CAPZB: variants seen among roughly 807,000 people sequenced by gnomAD.
CAPZB encodes the protein F-actin-capping protein subunit beta.
CAPZB carries 2 observed loss-of-function variants against 38.1 expected under a neutral mutation model. The ratio of observed to expected loss-of-function variants is 0.05; its 90% CI spans 0.02 to 0.17. The LOEUF is 0.17. Ranked by LOEUF, CAPZB falls within the 10% of genes least tolerant of loss-of-function variation. CAPZB has a pLI of 1.00. For synonymous variants in CAPZB, 107 were observed against 127.4 expected, an observed-to-expected ratio of 0.84 and a Z score of 1.08; for missense variants, 161 against 334.2, an observed-to-expected ratio of 0.48 and a Z score of 4.04.
At chr1:19,455,854 T>C (rs941188003) in intron 1 of CAPZB, among the ~76,000 whole-genome samples, 1 of 152,194 alleles carries the variant, frequency 6.6e-6, no homozygotes, top group South Asian at 2.1e-4. Flanking sequence ...AAGCAAGTTA[T>C]ATACACAGGA....
intron 4 of CAPZB, among the ~76,000 whole-genome samples, chr1:19,368,883 A>T (rs528369797): frequency 6.6e-5 from 10 of 152,246 alleles, no homozygotes; most frequent in African/African-American, 2.4e-4. Flanking sequence ...GAAGCCTCGG[A>T]AACATCTCAG....
rs116513038 is a variant in CAPZB, at chr1:19,457,429, A to T, written c.3+28007T>A. Among the ~76,000 whole-genome samples the T allele has an allele frequency of 2.7e-3, 405 of 152,276 alleles. 3 individuals carry two copies. The highest frequency in any genetic ancestry group is 9.4e-3 in the African/African-American group (389 of 41,550). On this transcript the variant is annotated intron_variant, in intron 1 of 8. Coordinates refer to ENST00000264202, the MANE Select transcript of CAPZB (RefSeq NM_004930.5). ...AGGCTGGCTCAGAGGGCACTGTGTG[A>T]TCCACCGCATGCTTGAGGAGCTCTT...
At chr1:19,405,193 A>G (rs797005736) in intron 2 of CAPZB, among the ~76,000 whole-genome samples, 10 of 152,276 alleles carry the variant, frequency 6.6e-5, no homozygotes, top group African/African-American at 2.2e-4. Context: ...ATTTGGGGAT[A>G]GCAGGGTTTT....
chr1:19,358,870 G>A (rs933061270), intron 4 of CAPZB, among the ~76,000 whole-genome samples: 45 of 152,196 alleles, frequency 3.0e-4, no homozygotes, highest in African/African-American at 8.9e-4. Context: ...AAGGTGGGCC[G>A]CAGAGTGCAC....
intron 2 of CAPZB, among the ~76,000 whole-genome samples, chr1:19,415,835 G>A (rs1422311564): frequency 1.3e-5 from 2 of 152,224 alleles, no homozygotes; most frequent in African/African-American, 4.8e-5. Context: ...CGCCGCGCCT[G>A]GCCAATGCAT....
chr1:19,456,592 T>C (rs2094533817), intron 1 of CAPZB, among the ~76,000 whole-genome samples: 1 of 151,870 alleles, frequency 6.6e-6, no homozygotes, highest in Admixed American at 6.6e-5. Context: ...GATTCCCCCG[T>C]ACAGAAAAAA....
chr1:19,449,868 C>G (rs1490875178), intron 1 of CAPZB, among the ~76,000 whole-genome samples: 1 of 150,676 alleles, frequency 6.6e-6, no homozygotes, highest in Non-Finnish European at 1.5e-5. Flanking sequence ...AGGCTGGGCA[C>G]AGTAGCTCAC....
intron 6 of CAPZB, among the ~76,000 whole-genome samples, chr1:19,352,280 G>C (rs942293563): frequency 2.0e-5 from 3 of 152,228 alleles, no homozygotes; most frequent in Non-Finnish European, 4.4e-5. Context: ...GATATATTGG[G>C]GGTGTCTCTG....
intron 6 of CAPZB, among the ~76,000 whole-genome samples, chr1:19,346,260 CAAG>C (rs1467668020): frequency 6.6e-6 from 1 of 151,560 alleles, no homozygotes; most frequent in Non-Finnish European, 1.5e-5. Context: ...AATAAATAAT[CAAG>C]AAAGAGGAAG....
At chr1:19,395,674 G>A (rs184275929) in intron 2 of CAPZB, among the ~76,000 whole-genome samples, 5 of 152,302 alleles carry the variant, frequency 3.3e-5, no homozygotes, top group Admixed American at 1.3e-4. Flanking sequence ...CCAGGCCCTC[G>A]GAGCCTAATT....
intron 4 of CAPZB, among the ~76,000 whole-genome samples, chr1:19,360,724 T>A (rs747675520): frequency 2.0e-5 from 3 of 152,218 alleles, no homozygotes; most frequent in Non-Finnish European, 4.4e-5. Flanking sequence ...ACTGGCCGTT[T>A]CCACTCCAAT....
At chr1:19,381,267 C>G (rs1430354475) in intron 3 of CAPZB, among the ~76,000 whole-genome samples, 1 of 151,438 alleles carries the variant, frequency 6.6e-6, no homozygotes, top group Non-Finnish European at 1.5e-5. Flanking sequence ...CCCCGCCCCC[C>G]CACCACAACA....
intron 2 of CAPZB, among the ~76,000 whole-genome samples, chr1:19,404,033 G>T (rs2094317171): frequency 6.6e-6 from 1 of 151,584 alleles, no homozygotes; most frequent in African/African-American, 2.4e-5. Context: ...GGGAGTTTGA[G>T]ACTAGCCTGG....
chr1:19,349,771 G>T (rs996902505), intron 6 of CAPZB, among the ~76,000 whole-genome samples: 2 of 152,046 alleles, frequency 1.3e-5, no homozygotes, highest in African/African-American at 4.8e-5. Context: ...GCCACGCAGC[G>T]GCTGGGGAGG....
intron 1 of CAPZB, among the ~76,000 whole-genome samples, chr1:19,426,444 G>A (rs1007558031): frequency 7.5e-6 from 1 of 133,070 alleles, no homozygotes; most frequent in African/African-American, 3.3e-5. Flanking sequence ...GTGGTGGGGC[G>A]GGGGGGGGCT....
At position 19,363,260 on chromosome 1, in the gene CAPZB, A is replaced by ATTTT. The variant is rs10641267; in HGVS notation, c.330-5701_330-5698dup. 1.6e-3 allele frequency among the ~76,000 whole-genome samples: 192 copies of ATTTT among 123,144 alleles called. 7 individuals are homozygous for ATTTT. The highest frequency in any genetic ancestry group is 7.4e-3 in the East Asian group (29 of 3,910). 80.8% of individuals were successfully genotyped at this position (123,144 alleles called of 152,430 possible). A position where few individuals can be genotyped will look rare whatever the true frequency, so the allele number is the denominator to read the frequency against. On this transcript the variant is annotated intron_variant, in intron 4 of 8. Coordinates refer to ENST00000264202, the MANE Select transcript of CAPZB (RefSeq NM_004930.5). The stretch of plus-strand genomic sequence containing the variant: ...CCATGCATGGCTAATTAAAAAAAAA[A>ATTTT]TTTTTTTTTTTTTTTTTTTAGAGAC...
chr1:19,370,761 G>T (rs796331573), intron 4 of CAPZB, among the ~76,000 whole-genome samples: 1 of 151,626 alleles, frequency 6.6e-6, no homozygotes, highest in Non-Finnish European at 1.5e-5. Flanking sequence ...GCAGTCTCAG[G>T]CCAGCTCTGT....
chr1:19,394,298 C>CT (rs1224376330), intron 2 of CAPZB, among the ~76,000 whole-genome samples: 1 of 152,146 alleles, frequency 6.6e-6, no homozygotes, highest in African/African-American at 2.4e-5. Context: ...GGGCCATATT[C>CT]TTTAAGTGCA....
chr1:19,341,399 AGG>A (rs1162427208), intron 8 of CAPZB, among the ~76,000 whole-genome samples: 1 of 152,162 alleles, frequency 6.6e-6, no homozygotes, highest in African/African-American at 2.4e-5. Context: ...TCTTCTGGGA[AGG>A]AAGAGCCAAG....
Sources: allele counts gnomAD v4.1 joint callset (sites outside exome capture counted in the v4.1 genomes callset), GRCh38; gene constraint gnomAD v4.1.1; transcripts MANE v1.5; gene names NCBI Gene and HGNC (gene_info 2026-07-23, HGNC 2026-07-21).